Variants in ZNF84 observed in about 807,000 individuals in gnomAD.
ZNF84 encodes zinc finger protein HPF2.
A neutral mutation model predicts 14.8 loss-of-function variants in ZNF84; 12 were observed. The ratio of observed to expected loss-of-function variants is 0.81; its 90% confidence interval spans 0.52 to 1.31. The LOEUF (loss-of-function observed/expected upper bound fraction) is 1.31. Among genes scored for constraint, ZNF84 ranks in the 50% most tolerant of loss-of-function variants. The probability of loss-of-function intolerance (pLI) is 0.00; values close to 1 mark genes in which losing one functional copy is unlikely to be tolerated. For missense variants in ZNF84, 859 were observed against 878.6 expected, an observed-to-expected ratio of 0.98 and a Z score of 0.28; for synonymous variants, 347 against 291.1, an observed-to-expected ratio of 1.19 and a Z score of -1.96.
chr12:133,055,290 T>C (rs1209044819), intron 4 of ZNF84, among the ~76,000 whole-genome samples: 1 of 152,134 alleles, frequency 6.6e-6, no homozygotes, highest in Non-Finnish European at 1.5e-5. Context: ...AAACATCCTA[T>C]GAATTGTTTC....
intron 2 of ZNF84, among the ~76,000 whole-genome samples, chr12:133,043,306 A>G (rs1044782150): frequency 1.3e-5 from 2 of 152,098 alleles, no homozygotes; most frequent in Non-Finnish European, 2.9e-5. Flanking sequence ...CTGGGACTAC[A>G]GGCGCACGCT....
rs200216202 is a variant in ZNF84 at position 133,041,452 on chromosome 12, C to T, written c.-16C>T. On this transcript the variant is annotated 5_prime_UTR_variant, in exon 2 of 5. Transcript: ENST00000539354. Reference sequence around the variant, plus strand: ...CCGATCTCAGCCTTGCTGATCATCTCGTACAGCAGCAGAAAATGACCATGT... The same window carrying T: ...CCGATCTCAGCCTTGCTGATCATCTTGTACAGCAGCAGAAAATGACCATGT... The T allele has an allele frequency of 0.046, 74,998 of 1,613,534 alleles. 2,048 individuals carry two copies. The highest frequency in any genetic ancestry group is 0.083 in the South Asian group (7,591 of 91,062).
chr12:133,058,520 G>A lies in ZNF84; in HGVS notation c.1805G>A (p.Ser602Asn). 6.2e-7 allele frequency: 1 copy of A among 1,614,086 alleles called. No individual in the cohort carries two copies. The highest frequency in any genetic ancestry group is 1.3e-5 in the African/African-American group (1 of 75,050). Reference sequence around the variant, plus strand: ...ACTGGAGAGAAACCCTATGAATGCAGTCTTTGTAGGAAAGCTTTTTTTGAG... The same window carrying A: ...ACTGGAGAGAAACCCTATGAATGCAATCTTTGTAGGAAAGCTTTTTTTGAG... ...IHTGEKPYEC[S>N]LCRKAFFEKS... Residue 602 changes from serine to asparagine, a missense_variant, in exon 5 of 5, where the codon AGT becomes AAT. By Grantham distance (46) the Ser-to-Asn change is conservative. Coordinates refer to ENST00000539354, the MANE Select transcript of ZNF84 (RefSeq NM_001289971.2).
At chr12:133,047,065 T>A (rs2137363388) in intron 2 of ZNF84, among the ~76,000 whole-genome samples, 1 of 150,964 alleles carries the variant, frequency 6.6e-6, no homozygotes, top group Admixed American at 6.6e-5. Context: ...GCCTCCAAAG[T>A]GCTGGGATTA....
intron 1 of ZNF84, among the ~76,000 whole-genome samples, chr12:133,039,450 G>A (rs1418235163): frequency 2.6e-5 from 4 of 152,180 alleles, no homozygotes; most frequent in African/African-American, 9.7e-5. Context: ...AACATAGCAG[G>A]ATAGAGAATT....
intron 4 of ZNF84, 124 bp downstream of exon 4, chr12:133,048,972 T>G (rs1262799488): frequency 3.0e-4 from 209 of 691,206 alleles, no homozygotes; most frequent in Non-Finnish European, 2.0e-4. Context: ...CAGTGACGGG[T>G]GGGCTGGTCA....
Position 133,048,745 on chromosome 12 carries a change from C to G in ZNF84, c.143-8C>G. On this transcript the variant is annotated splice_polypyrimidine_tract_variant and splice_region_variant and intron_variant, in intron 3 of 4. Coordinates refer to ENST00000539354, the MANE Select transcript of ZNF84 (RefSeq NM_001289971.2). ...GGCCCAAGGCCTTTGTGATTTTTCC[C>G]TTAACAGGGTATGAAGTTATGAAAC... 1 of 1,612,606 alleles carries G rather than the reference C, an allele frequency of 6.2e-7. No homozygotes were observed. The highest frequency in any genetic ancestry group is 8.5e-7 in the Non-Finnish European group (1 of 1,179,056).
chr12:133,049,223 TCA>T (rs1954034825), intron 4 of ZNF84, among the ~76,000 whole-genome samples: 3 of 152,164 alleles, frequency 2.0e-5, no homozygotes, highest in African/African-American at 7.2e-5. Flanking sequence ...TTCTGTCCTC[TCA>T]CATGTTTGAT....
chr12:133,056,322 C>T (rs1028660369), intron 4 of ZNF84, among the ~76,000 whole-genome samples: 6 of 151,886 alleles, frequency 4.0e-5, no homozygotes, highest in African/African-American at 7.3e-5. Flanking sequence ...GGCGTGATCT[C>T]GGCTCACTGC....
At chr12:133,054,713 G>A (rs371543223) in intron 4 of ZNF84, among the ~76,000 whole-genome samples, 45 of 146,704 alleles carry the variant, frequency 3.1e-4, no homozygotes, top group African/African-American at 4.3e-4. Context: ...AGACAGATAT[G>A]TACAACTATT....
chr12:133,040,149 A>AT (rs533833390), intron 1 of ZNF84, among the ~76,000 whole-genome samples: 155 of 146,500 alleles, frequency 1.1e-3, no homozygotes, highest in Middle Eastern at 3.6e-3. Context: ...GCCAATTTGG[A>AT]TTTTTTTTTT....
chr12:133,041,222 GAA>G (rs1953881334), intron 1 of ZNF84, 54 bp from the exon 2 acceptor site: 2 of 489,164 alleles, frequency 4.1e-6, no homozygotes, highest in African/African-American at 2.0e-5. Flanking sequence ...TAGCAAGAGA[GAA>G]AGAGATTTCA....
At chr12:133,053,479 C>T (rs1304048321) in intron 4 of ZNF84, among the ~76,000 whole-genome samples, 4 of 152,148 alleles carry the variant, frequency 2.6e-5, no homozygotes, top group African/African-American at 9.7e-5. Context: ...GGGGCTTGCA[C>T]CTGTAATCCC....
At position 133,052,656 on chromosome 12, in the gene ZNF84, CAAT is replaced by C. The variant is rs145125233; in HGVS notation, c.238+3811_238+3813del. 4.0e-4 allele frequency among the ~76,000 whole-genome samples: 61 copies of C among 152,332 alleles called. No individual in the cohort carries two copies. The East Asian group carries it at 0.01, about 26-fold the overall frequency. ...GGCCTCATATCTATTTTTGTAAAGA[CAAT>C]AACCCTATTTGATCAGGGTCCTACC... On this transcript the variant is annotated intron_variant, in intron 4 of 4. Coordinates refer to ENST00000539354, the MANE Select transcript of ZNF84 (RefSeq NM_001289971.2).
intron 4 of ZNF84, among the ~76,000 whole-genome samples, chr12:133,054,424 G>C (rs1954117150): frequency 6.6e-6 from 1 of 152,104 alleles, no homozygotes; most frequent in Non-Finnish European, 1.5e-5. Context: ...AGTATAAATG[G>C]TTATGTCATG....
In ZNF84 at chr12:133,058,267, A is replaced by G; in HGVS notation, c.1552A>G (p.Ser518Gly). ...TACAGGAGAAAAACCATATGTATGC[A>G]GTGAATGTGGGAAAGCCTTTTGTCA... ...IHTGEKPYVC[S>G]ECGKAFCQKS... Residue 518 changes from serine (S) to glycine (G), a missense_variant, in exon 5 of 5, where the codon AGT becomes GGT. By Grantham distance (56) the Ser-to-Gly change is moderately conservative. Transcript: ENST00000539354. 6.2e-7 allele frequency: 1 copy of G among 1,614,134 alleles called. No individual in the cohort carries two copies. Among genetic ancestry groups the G allele is most frequent in the Non-Finnish European group, 8.5e-7 (1 of 1,180,012 alleles).
chr12:133,051,405 C>G (rs1201721160), intron 4 of ZNF84, among the ~76,000 whole-genome samples: 1 of 152,138 alleles, frequency 6.6e-6, no homozygotes, highest in Non-Finnish European at 1.5e-5. Flanking sequence ...GGCTGTGTGT[C>G]AGAGTCCCCA....
intron 2 of ZNF84, among the ~76,000 whole-genome samples, chr12:133,044,952 C>G (rs1218491352): frequency 6.6e-6 from 1 of 151,762 alleles, no homozygotes; most frequent in Non-Finnish European, 1.5e-5. Flanking sequence ...CTTAAGTTGT[C>G]AAGTATGTTG....
rs1276920148 is a variant in ZNF84, at chr12:133,063,160, GAA to G, written c.*4230_*4231del. On this transcript the variant is annotated 3_prime_UTR_variant, in exon 5 of 5. Coordinates refer to ENST00000539354, the MANE Select transcript of ZNF84 (RefSeq NM_001289971.2). ...GAAGCCATGATGAAAGCAAAATCAA[GAA>G]AGAGTCCCGATTGTGTTCCAGTACC... The G allele has an allele frequency of 2.8e-6, 2 of 702,354 alleles. No homozygotes were observed. Among genetic ancestry groups the G allele is most frequent in the Non-Finnish European group, 5.2e-6 (2 of 384,822 alleles). The allele number at this position is 702,354 out of a possible 1,614,324, so 43.5% of individuals were successfully genotyped here. A position where few individuals can be genotyped will look rare whatever the true frequency, so the allele number is the denominator to read the frequency against.
Sources: allele counts gnomAD v4.1 joint callset (sites outside exome capture counted in the v4.1 genomes callset), GRCh38; gene constraint gnomAD v4.1.1; transcripts MANE v1.5; gene names NCBI Gene and HGNC (gene_info 2026-07-23, HGNC 2026-07-21).